Variants in TXLNB observed in about 807,000 individuals in gnomAD.
The protein encoded by TXLNB is beta-taxilin.
Under a neutral mutation model 57.4 loss-of-function variants are expected in TXLNB, and 37 were observed. The ratio of observed to expected loss-of-function variants is 0.64; its 90% CI spans 0.50 to 0.85. TXLNB has a LOEUF of 0.85. Among genes scored for constraint, TXLNB ranks in the 40% least tolerant of loss-of-function variants. The probability of loss-of-function intolerance (pLI) is 0.00; values close to 1 mark genes in which losing one functional copy is unlikely to be tolerated. For synonymous variants in TXLNB, 302 were observed against 309.6 expected, an observed-to-expected ratio of 0.98 and a Z score of 0.26; for missense variants, 848 against 825.6, an observed-to-expected ratio of 1.03 and a Z score of -0.33.
At chr6:139,214,817 T>C in the TXLNB span, among the ~76,000 whole-genome samples, 1 of 152,178 alleles carries the variant, frequency 6.6e-6, no homozygotes, top group Non-Finnish European at 1.5e-5. Flanking sequence ...ATCACAGGCA[T>C]TCTTATACAC....
intron 2 of TXLNB, among the ~76,000 whole-genome samples, chr6:139,279,153 G>A (rs1002744725): frequency 1.3e-5 from 2 of 152,168 alleles, no homozygotes; most frequent in African/African-American, 2.4e-5. Context: ...TGTGTGTACC[G>A]ACATGTGAAA....
chr6:139,183,835 G>C, the TXLNB span, among the ~76,000 whole-genome samples: 7 of 148,998 alleles, frequency 4.7e-5, no homozygotes, highest in African/African-American at 1.8e-4. Flanking sequence ...TTCGGTACGT[G>C]CAAAATCACA....
chr6:139,171,596 C>G, the TXLNB span, among the ~76,000 whole-genome samples: 4 of 152,186 alleles, frequency 2.6e-5, no homozygotes, highest in African/African-American at 4.8e-5. Context: ...TCACCAATTA[C>G]TGACCACACA....
In TXLNB at chr6:139,276,741, T is replaced by G. The variant is rs1562285050; in HGVS notation, c.516+89A>C. On this transcript the variant is annotated intron_variant, in intron 3 of 9. Transcript: ENST00000358430. ...AGATGTTGCTGTTTACAATTCATTC[T>G]CGGATTGGCAGGTGTTTGTTGTTCC... 5.3e-6 allele frequency: 5 copies of G among 949,836 alleles called. No individual in the cohort carries two copies. The East Asian group carries it at 1.2e-4, about 23-fold the overall frequency. The allele number at this position is 949,836 out of a possible 1,614,324, so 58.8% of individuals were successfully genotyped here.
intron 4 of TXLNB, among the ~76,000 whole-genome samples, chr6:139,264,864 A>G (rs1218087373): frequency 1.3e-5 from 2 of 152,100 alleles, no homozygotes; most frequent in East Asian, 1.9e-4. Context: ...CCCGGCCTAT[A>G]TTGTTTTTCA....
At chr6:139,197,683 G>T in the TXLNB span, 1 of 152,212 alleles carries the variant, frequency 6.6e-6, no homozygotes, top group Non-Finnish European at 1.5e-5. Flanking sequence ...CATTTGTGCT[G>T]CTATCACAGA....
At chr6:139,285,028 A>C (rs201952560) in intron 2 of TXLNB, among the ~76,000 whole-genome samples, 1 of 145,178 alleles carries the variant, frequency 6.9e-6, no homozygotes. Flanking sequence ...TAGAGTGGAC[A>C]CACCTAGGTA....
chr6:139,238,025 T>A (rs895550687), downstream of TXLNB, among the ~76,000 whole-genome samples: 1 of 152,192 alleles, frequency 6.6e-6, no homozygotes, highest in African/African-American at 2.4e-5. Context: ...CTACCAAATA[T>A]CCTTATTTGG....
the TXLNB span, chr6:139,179,672 C>T: frequency 1.3e-5 from 2 of 152,142 alleles, no homozygotes; most frequent in Non-Finnish European, 2.9e-5. Context: ...TATTCAACAC[C>T]ATGAAGATAA....
chr6:139,204,395 C>T, the TXLNB span, among the ~76,000 whole-genome samples: 3 of 152,096 alleles, frequency 2.0e-5, no homozygotes, highest in Non-Finnish European at 2.9e-5. Context: ...TGGAGGCACT[C>T]TGCAGCACTC....
the TXLNB span, among the ~76,000 whole-genome samples, chr6:139,323,504 C>T: frequency 3.9e-5 from 6 of 152,066 alleles, no homozygotes; most frequent in African/African-American, 1.4e-4. Context: ...AGGATGGTCT[C>T]GATCTCCTGA....
chr6:139,260,099 C>A (rs577287973), intron 6 of TXLNB, among the ~76,000 whole-genome samples: 3 of 152,210 alleles, frequency 2.0e-5, no homozygotes. Flanking sequence ...GTAGTGGGCA[C>A]CTGTAATCCC....
intron 7 of TXLNB, among the ~76,000 whole-genome samples, chr6:139,250,683 A>G (rs1173939016): frequency 6.6e-6 from 1 of 152,024 alleles, no homozygotes; most frequent in Non-Finnish European, 1.5e-5. Flanking sequence ...GGCCTCAGAC[A>G]CTGTGGTCTC....
At chr6:139,243,869 G>A (rs958382103) in intron 9 of TXLNB, among the ~76,000 whole-genome samples, 3 of 152,166 alleles carry the variant, frequency 2.0e-5, no homozygotes, top group African/African-American at 4.8e-5. Context: ...ACTAATTCAC[G>A]ATGCTGGCTG....
At chr6:139,260,266 T>G in intron 6 of TXLNB, 52 bp downstream of exon 6, 1 of 1,589,180 alleles carries the variant, frequency 6.3e-7, no homozygotes, top group Non-Finnish European at 8.6e-7. Flanking sequence ...GCTCAGAGTG[T>G]CTCTGACACT....
upstream of TXLNB, among the ~76,000 whole-genome samples, chr6:139,294,906 T>C (rs1777363511): frequency 6.6e-6 from 1 of 152,078 alleles, no homozygotes; most frequent in South Asian, 2.1e-4. Context: ...GGAGAATCAT[T>C]TGAACCCAGG....
chr6:139,200,459 G>C, the TXLNB span, among the ~76,000 whole-genome samples: 1 of 152,182 alleles, frequency 6.6e-6, no homozygotes, highest in Non-Finnish European at 1.5e-5. Context: ...CGAGGACCCT[G>C]TCTAGCACAC....
At chr6:139,182,253 C>T in the TXLNB span, among the ~76,000 whole-genome samples, 15 of 152,152 alleles carry the variant, frequency 9.9e-5, no homozygotes, top group Non-Finnish European at 1.6e-4. Context: ...CTTACTAATG[C>T]AGATGTCTGA....
the TXLNB span, among the ~76,000 whole-genome samples, chr6:139,175,286 G>A: frequency 2.0e-5 from 3 of 152,154 alleles, no homozygotes; most frequent in South Asian, 4.1e-4. Flanking sequence ...ACTCTCATGG[G>A]CAGGAGAGAA....
Sources: allele counts gnomAD v4.1 joint callset (sites outside exome capture counted in the v4.1 genomes callset), GRCh38; gene constraint gnomAD v4.1.1; transcripts MANE v1.5; gene names NCBI Gene and HGNC (gene_info 2026-07-23, HGNC 2026-07-21).